Variants in STPG2 observed in about 807,000 individuals in gnomAD.
STPG2 encodes the protein sperm tail PG-rich repeat containing 2.
Under a neutral mutation model 54.2 loss-of-function variants are expected in STPG2, and 56 were observed. That is an observed-to-expected ratio of 1.03 (90% CI 0.83 to 1.29). The LOEUF is 1.29. Among genes scored for constraint, STPG2 ranks in the 50% most tolerant of loss-of-function variants. The pLI, the probability that STPG2 is intolerant of heterozygous loss-of-function variation, is 0.00. For missense variants in STPG2, 596 were observed against 544.9 expected (o/e 1.09, Z -0.93); for synonymous variants, 200 against 181.8 (o/e 1.10, Z -0.81).
At chr4:98,054,585 A>G (rs945166488) in intron 5 of STPG2, among the ~76,000 whole-genome samples, 10 of 152,166 alleles carry the variant, frequency 6.6e-5, no homozygotes, top group Non-Finnish European at 1.0e-4. Flanking sequence ...TAAAAATTTT[A>G]ATCTTAATAA....
intron 5 of STPG2, among the ~76,000 whole-genome samples, chr4:98,053,095 C>G (rs752859151): frequency 5.3e-5 from 8 of 152,182 alleles, no homozygotes; most frequent in Non-Finnish European, 1.2e-4. Context: ...GTTTTCCTGA[C>G]AGTTTGTTAG....
At chr4:97,701,214 C>T (rs796798198) in intron 10 of STPG2, among the ~76,000 whole-genome samples, 1 of 152,136 alleles carries the variant, frequency 6.6e-6, no homozygotes, top group East Asian at 1.9e-4. Flanking sequence ...GGGGGTCCTG[C>T]CAGCTGCTAA....
At chr4:97,840,209 T>G (rs1728754631) in intron 9 of STPG2, among the ~76,000 whole-genome samples, 1 of 151,688 alleles carries the variant, frequency 6.6e-6, no homozygotes, top group Non-Finnish European at 1.5e-5. Context: ...ACTGCCTTGA[T>G]GTATATCTTC....
chr4:97,904,324 C>G (rs913780814), intron 8 of STPG2, among the ~76,000 whole-genome samples: 2 of 152,250 alleles, frequency 1.3e-5, no homozygotes, highest in South Asian at 2.1e-4. Flanking sequence ...TGGGAGGCAC[C>G]CCCCAGCAGG....
At chr4:97,934,609 T>G (rs1732679846) in intron 8 of STPG2, among the ~76,000 whole-genome samples, 1 of 152,182 alleles carries the variant, frequency 6.6e-6, no homozygotes, top group Non-Finnish European at 1.5e-5. Context: ...CTGTGTTTAT[T>G]GAAATAATAA....
At chr4:97,783,013 G>A (rs1014625108) in intron 9 of STPG2, among the ~76,000 whole-genome samples, 49 of 152,180 alleles carry the variant, frequency 3.2e-4, no homozygotes, top group Non-Finnish European at 8.8e-5. Flanking sequence ...TCAGGACATA[G>A]GCATGGGCAA....
intron 9 of STPG2, among the ~76,000 whole-genome samples, chr4:97,761,384 A>T (rs1021786290): frequency 1.3e-4 from 20 of 152,144 alleles, no homozygotes; most frequent in African/African-American, 4.3e-4. Flanking sequence ...GGAGGCAGAG[A>T]TGAGATTGAT....
chr4:97,639,358 G>C (rs1331056340), intron 10 of STPG2, among the ~76,000 whole-genome samples: 1 of 151,914 alleles, frequency 6.6e-6, no homozygotes, highest in Non-Finnish European at 1.5e-5. Context: ...GTGGGTGGAG[G>C]GGGGAGGGAT....
At chr4:97,505,144 C>A (rs1385172027) in intron 4 of STPG2, among the ~76,000 whole-genome samples, 2 of 151,798 alleles carry the variant, frequency 1.3e-5, no homozygotes, top group East Asian at 3.9e-4. Context: ...GCAGTCAAAG[C>A]ATTTACTGAA....
rs565832967 is a variant in STPG2 at position 97,696,759 on chromosome 4, T to C, written c.1320+15940A>G. Among the ~76,000 whole-genome samples, 26 of 152,124 alleles carry C rather than the reference T, an allele frequency of 1.7e-4. 1 individual carries two copies. The South Asian group carries it at 5.0e-3, about 29-fold the overall frequency. On this transcript the variant is annotated intron_variant, in intron 10 of 10. Coordinates refer to ENST00000295268, the MANE Select transcript of STPG2 (RefSeq NM_174952.3). ...TCAAGAGAAGATATACAAATACAAA[T>C]AGCCAACAGACATTAAATAATGCTC...
At chr4:97,939,125 A>AT (rs563088180) in intron 8 of STPG2, among the ~76,000 whole-genome samples, 4 of 152,052 alleles carry the variant, frequency 2.6e-5, no homozygotes, top group Admixed American at 6.5e-5. Flanking sequence ...ATTTTGAGTG[A>AT]TTTTTTTATA....
intron 5 of STPG2, among the ~76,000 whole-genome samples, chr4:98,087,043 CAT>C (rs1249771110): frequency 6.6e-6 from 1 of 152,082 alleles, no homozygotes; most frequent in Non-Finnish European, 1.5e-5. Context: ...AATTAAATAA[CAT>C]GTCTTAAATA....
At chr4:97,967,923 A>C (rs1734171652) in intron 7 of STPG2, among the ~76,000 whole-genome samples, 1 of 152,140 alleles carries the variant, frequency 6.6e-6, no homozygotes, top group African/African-American at 2.4e-5. Context: ...ATCTAAAATC[A>C]ACACCCTAAC....
intron 8 of STPG2, among the ~76,000 whole-genome samples, chr4:97,895,169 A>C (rs1236851025): frequency 6.6e-6 from 1 of 151,884 alleles, no homozygotes; most frequent in South Asian, 2.1e-4. Context: ...CGGTAATAAT[A>C]ATAATAGAAG....
chr4:97,899,421 C>A (rs1731089266), intron 8 of STPG2, among the ~76,000 whole-genome samples: 1 of 151,952 alleles, frequency 6.6e-6, no homozygotes, highest in Non-Finnish European at 1.5e-5. Flanking sequence ...AGATTTAATG[C>A]TTTTCCTATC....
intron 10 of STPG2, among the ~76,000 whole-genome samples, chr4:97,688,211 G>C (rs1349139745): frequency 2.0e-5 from 3 of 151,556 alleles, no homozygotes; most frequent in Non-Finnish European, 2.9e-5. Flanking sequence ...CTTATACATA[G>C]GTGGAATTAT....
At chr4:97,460,419 A>C (rs542780273) in intron 4 of STPG2, among the ~76,000 whole-genome samples, 1 of 148,920 alleles carries the variant, frequency 6.7e-6, no homozygotes, top group African/African-American at 2.5e-5. Context: ...CATTTGAATT[A>C]TTTTTCTTTT....
At chr4:97,591,791 T>C (rs1036142845) in intron 10 of STPG2, among the ~76,000 whole-genome samples, 1 of 152,186 alleles carries the variant, frequency 6.6e-6, no homozygotes, top group Admixed American at 6.5e-5. Context: ...AGTCAGGATG[T>C]TGGTAGCTAA....
At chr4:97,621,891 A>G (rs886246445) in intron 10 of STPG2, among the ~76,000 whole-genome samples, 1 of 152,224 alleles carries the variant, frequency 6.6e-6, no homozygotes, top group African/African-American at 2.4e-5. Flanking sequence ...AAATACTAGC[A>G]AACTAAACCC....
Sources: gnomAD v4.1 joint callset for allele counts (sites outside exome capture counted in the v4.1 genomes callset) on GRCh38, gnomAD v4.1.1 for gene constraint, MANE v1.5 for transcripts, NCBI Gene and HGNC (gene_info 2026-07-23, HGNC 2026-07-21) for gene names.